ARHGAP44: variants seen among roughly 807,000 people sequenced by gnomAD.
ARHGAP44 encodes Rho GTPase activating protein 44, also known as rho GTPase-activating protein 44.
ARHGAP44 carries 43 observed loss-of-function variants against 106.8 expected under a neutral mutation model. That is an observed-to-expected ratio of 0.40 (90% CI 0.32 to 0.52). ARHGAP44 has a LOEUF of 0.52. Among genes scored for constraint, ARHGAP44 ranks in the 20% least tolerant of loss-of-function variants. The pLI is 0.48. For missense variants in ARHGAP44, 866 were observed against 1,050.5 expected (o/e 0.82, Z 2.43); for synonymous variants, 439 against 410.3 (o/e 1.07, Z -0.85).
In ARHGAP44 at chr17:12,990,787, T is replaced by C. The variant is rs1296388911; in HGVS notation, c.*616T>C. On this transcript the variant is annotated 3_prime_UTR_variant, in exon 21 of 21. Transcript: ENST00000379672. ...GTAAATGGCTGAAAACAAAAATGTT[T>C]CACTTCCTAACAGTTTTCCTTTTTC... The C allele has an allele frequency of 1.3e-5, 2 of 152,270 alleles. No individual in the cohort carries two copies. The highest frequency in any genetic ancestry group is 2.9e-5 in the Non-Finnish European group (2 of 68,090). The allele number at this position is 152,270 out of a possible 1,614,324, so 9.4% of individuals were successfully genotyped here.
chr17:12,932,848 G>A (rs1035999243), intron 7 of ARHGAP44, among the ~76,000 whole-genome samples: 3 of 151,898 alleles, frequency 2.0e-5, no homozygotes, highest in Non-Finnish European at 4.4e-5. Flanking sequence ...CTGTTTGCCT[G>A]CACCTGAGAC....
At chr17:12,816,043 T>C (rs2034587418) in intron 1 of ARHGAP44, among the ~76,000 whole-genome samples, 1 of 151,870 alleles carries the variant, frequency 6.6e-6, no homozygotes, top group Non-Finnish European at 1.5e-5. Context: ...GCAGTGGGAG[T>C]TACTGAACGC....
chr17:12,873,344 C>A (rs1285630337), intron 1 of ARHGAP44, among the ~76,000 whole-genome samples: 1 of 152,186 alleles, frequency 6.6e-6, no homozygotes, highest in Non-Finnish European at 1.5e-5. Flanking sequence ...CTCCAGGAAG[C>A]CTTTCTCAAT....
intron 1 of ARHGAP44, among the ~76,000 whole-genome samples, chr17:12,845,506 CAAAAAA>C (rs748288660): frequency 1.5e-5 from 1 of 67,936 alleles, no homozygotes; most frequent in Non-Finnish European, 3.0e-5. Context: ...GACTCCGTCT[CAAAAAA>C]AAAAAAAAAA....
At chr17:12,810,569 G>T (rs1436253500) in intron 1 of ARHGAP44, among the ~76,000 whole-genome samples, 2 of 152,196 alleles carry the variant, frequency 1.3e-5, no homozygotes, top group Non-Finnish European at 2.9e-5. Context: ...GAGGGGAGAA[G>T]TGGAGATCGA....
intron 1 of ARHGAP44, among the ~76,000 whole-genome samples, chr17:12,797,955 T>C (rs1234479054): frequency 6.6e-6 from 1 of 152,196 alleles, no homozygotes; most frequent in Admixed American, 6.5e-5. Context: ...TACTGTAGCT[T>C]CAGTGATTTG....
At chr17:12,932,190 C>A (rs1472391511) in intron 7 of ARHGAP44, among the ~76,000 whole-genome samples, 1 of 152,088 alleles carries the variant, frequency 6.6e-6, no homozygotes, top group Non-Finnish European at 1.5e-5. Flanking sequence ...GCATGTTGCT[C>A]CTATTTTCAA....
chr17:12,968,553 C>T (rs1019720568), intron 16 of ARHGAP44, among the ~76,000 whole-genome samples: 2 of 149,986 alleles, frequency 1.3e-5, no homozygotes, highest in African/African-American at 2.4e-5. Flanking sequence ...CAGGCATCCC[C>T]TCTTTATTTG....
rs574127076 is a variant in ARHGAP44 at position 12,811,870 on chromosome 17, C to T, written c.53+21979C>T. ...GTATCTCTGCGTCCCTTCTCCTCCTCTTAAAAGGGCATATATTGGATTAAG... is the reference window on the plus strand; with the variant it reads ...GTATCTCTGCGTCCCTTCTCCTCCTTTTAAAAGGGCATATATTGGATTAAG... On this transcript the variant is annotated intron_variant, in intron 1 of 20. Coordinates refer to ENST00000379672, the MANE Select transcript of ARHGAP44 (RefSeq NM_014859.6). 9.8e-5 allele frequency among the ~76,000 whole-genome samples: 15 copies of T among 152,292 alleles called. 3 individuals carry two copies. In the South Asian group the frequency reaches 3.1e-3, roughly 32 times the overall value.
Position 12,798,997 on chromosome 17 carries a change from CATT to C in ARHGAP44, c.53+9107_53+9109del, listed in dbSNP as rs1485639394. On this transcript the variant is annotated intron_variant, in intron 1 of 20. Transcript: ENST00000379672. ...TTTAATAGAAAGTTTTTGAGTATAT[CATT>C]GTATTTCTATTGTCATTCCTAATTT... Among the ~76,000 whole-genome samples the C allele has an allele frequency of 5.9e-5, 9 of 152,236 alleles. No homozygotes were observed. In the East Asian group the frequency reaches 1.5e-3, roughly 26 times the overall value.
Position 12,990,858 on chromosome 17 carries a change from T to C in ARHGAP44, c.*687T>C, listed in dbSNP as rs1359754222. Reference sequence around the variant, plus strand: ...CTATATCATTTTATATTTCTGAATCTATAAAACAAAACAAACAAGCCTGAC... The same window carrying C: ...CTATATCATTTTATATTTCTGAATCCATAAAACAAAACAAACAAGCCTGAC... On this transcript the variant is annotated 3_prime_UTR_variant, in exon 21 of 21. Coordinates refer to ENST00000379672, the MANE Select transcript of ARHGAP44 (RefSeq NM_014859.6). 1.3e-5 allele frequency: 2 copies of C among 152,406 alleles called. No individual in the cohort carries two copies. Among genetic ancestry groups the C allele is most frequent in the East Asian group, 3.9e-4 (2 of 5,176 alleles). 9.4% of individuals were successfully genotyped at this position (152,406 alleles called of 1,614,324 possible).
At chr17:12,904,746 CAT>C (rs1203914955) in intron 3 of ARHGAP44, among the ~76,000 whole-genome samples, 2 of 151,976 alleles carry the variant, frequency 1.3e-5, no homozygotes, top group African/African-American at 2.4e-5. Flanking sequence ...GACGCACACA[CAT>C]GTATGTATAA....
chr17:12,963,667 A>G (rs1312179286), intron 16 of ARHGAP44, among the ~76,000 whole-genome samples: 11 of 152,002 alleles, frequency 7.2e-5, no homozygotes. Context: ...GCCTTGCACC[A>G]GTGCCGTGTG....
intron 1 of ARHGAP44, among the ~76,000 whole-genome samples, chr17:12,803,198 C>T (rs2034173305): frequency 6.6e-6 from 1 of 151,268 alleles, no homozygotes; most frequent in Non-Finnish European, 1.5e-5. Flanking sequence ...TCTCGAACTC[C>T]TGACCTCAGG....
intron 1 of ARHGAP44, 116 bp downstream of exon 1, chr17:12,790,007 T>A: frequency 1.0e-6 from 1 of 986,356 alleles, no homozygotes; most frequent in Non-Finnish European, 1.4e-6. Flanking sequence ...TCCTTTCCCC[T>A]GCACCAGCTC....
intron 1 of ARHGAP44, among the ~76,000 whole-genome samples, chr17:12,798,294 A>G (rs2033986078): frequency 6.6e-6 from 1 of 152,200 alleles, no homozygotes; most frequent in South Asian, 2.1e-4. Context: ...AAAATGCATG[A>G]TGATTGGTTT....
intron 6 of ARHGAP44, among the ~76,000 whole-genome samples, chr17:12,922,251 G>A (rs760165120): frequency 6.6e-6 from 1 of 152,140 alleles, no homozygotes; most frequent in Non-Finnish European, 1.5e-5. Flanking sequence ...AAGAAGAAGG[G>A]GAGGCGAGGC....
In ARHGAP44 at chr17:12,943,598, T is replaced by C. The variant is rs2038762842; in HGVS notation, c.662T>C (p.Val221Ala). Residue 221 changes from valine (V) to alanine (A), a missense_variant, in exon 9 of 21, where the codon GTG becomes GCG. Transcript: ENST00000379672. Reference sequence around the variant, plus strand: ...CTTGTGTCTTCTCAGCTAATAGAAGTGCAAGCTGAATACCACAGGAAGTCC... The same window carrying C: ...CTTGTGTCTTCTCAGCTAATAGAAGCGCAAGCTGAATACCACAGGAAGTCC... ...YANYFQTLIE[V>A]QAEYHRKSLT... 1.2e-6 allele frequency: 2 copies of C among 1,613,902 alleles called. No homozygotes were observed. The highest frequency in any genetic ancestry group is 1.7e-4 in the Middle Eastern group (1 of 6,050).
chr17:12,896,669 G>A (rs866330237), intron 3 of ARHGAP44, among the ~76,000 whole-genome samples, 158 bp downstream of exon 3: 2 of 152,194 alleles, frequency 1.3e-5, no homozygotes, highest in Admixed American at 6.5e-5. Context: ...TTTCTGTGGG[G>A]TAATGACCCT....
Sources: gnomAD v4.1 joint callset for allele counts (sites outside exome capture counted in the v4.1 genomes callset) on GRCh38, gnomAD v4.1.1 for gene constraint, MANE v1.5 for transcripts, NCBI Gene and HGNC (gene_info 2026-07-23, HGNC 2026-07-21) for gene names.